The following PDE9A variants were observed in gnomAD, a reference collection of about 807,000 sequenced individuals.
The protein encoded by PDE9A is phosphodiesterase 9A, also known as high affinity cGMP-specific 3',5'-cyclic phosphodiesterase 9A.
A neutral mutation model predicts 87.4 loss-of-function variants in PDE9A; 60 were observed. The observed-to-expected ratio is 0.69, with a 90% CI of 0.56 to 0.85. The LOEUF is 0.85. Among genes scored for constraint, PDE9A ranks in the 40% least tolerant of loss-of-function variants. PDE9A has a pLI of 0.00. For synonymous variants in PDE9A, 272 were observed against 279.4 expected, an observed-to-expected ratio of 0.97 and a Z score of 0.27; for missense variants, 665 against 779.0, an observed-to-expected ratio of 0.85 and a Z score of 1.74.
At chr21:42,663,011 A>G (rs1228935782) in intron 1 of PDE9A, among the ~76,000 whole-genome samples, 2 of 148,290 alleles carry the variant, frequency 1.3e-5, no homozygotes, top group Non-Finnish European at 3.0e-5. Flanking sequence ...CACGCACACC[A>G]CACACACGCA....
intron 3 of PDE9A, chr21:42,690,093 G>C: frequency 1.0e-6 from 1 of 985,360 alleles, no homozygotes; most frequent in Non-Finnish European, 1.2e-6. Flanking sequence ...GATACAGGTG[G>C]AGAAGATGGA....
At position 42,739,514 on chromosome 21, in the gene PDE9A, T is replaced by C. The variant is rs1476392626; in HGVS notation, c.569-4262T>C. Among the ~76,000 whole-genome samples, 1 of 152,254 alleles carries C rather than the reference T, an allele frequency of 6.6e-6. No individual in the cohort carries two copies. The highest frequency in any genetic ancestry group is 1.5e-5 in the Non-Finnish European group (1 of 68,036). On this transcript the variant is annotated intron_variant, in intron 7 of 19. Transcript: ENST00000291539. The surrounding 1 kb of genome is among the most constrained non-coding windows in gnomAD (Gnocchi z 4.1). ...CCTCCCCGCCAGCCCCGTCATTTCA[T>C]GGCATCTTGCTTTCTCTTCATTGAG... is the stretch of plus-strand genomic sequence containing the variant.
At chr21:42,764,800 G>A (rs778135577) in intron 14 of PDE9A, among the ~76,000 whole-genome samples, 13 of 152,234 alleles carry the variant, frequency 8.5e-5, no homozygotes, top group Non-Finnish European at 1.5e-4. Flanking sequence ...ATGTTTACAG[G>A]AAAATTGAAT....
At chr21:42,697,344 T>C (rs1438203651) in intron 3 of PDE9A, 1 of 872,578 alleles carries the variant, frequency 1.1e-6, no homozygotes, top group Non-Finnish European at 1.9e-6. Context: ...CCACATGTAT[T>C]GCCCCCAGTT....
At chr21:42,748,245 A>G (rs1020190571) in intron 8 of PDE9A, among the ~76,000 whole-genome samples, 1 of 152,234 alleles carries the variant, frequency 6.6e-6, no homozygotes, top group Non-Finnish European at 1.5e-5. Context: ...AACGTTCGTT[A>G]CTTCTCAGAA....
chr21:42,745,866 C>T (rs543951345), intron 8 of PDE9A, among the ~76,000 whole-genome samples: 1 of 152,344 alleles, frequency 6.6e-6, no homozygotes, highest in East Asian at 1.9e-4. Flanking sequence ...TAGTCTTCAG[C>T]CTGAAACCAG....
chr21:42,769,504 TACACATGCACAC>T (rs1569279556), intron 17 of PDE9A, among the ~76,000 whole-genome samples: 1 of 18,628 alleles, frequency 5.4e-5, no homozygotes, highest in East Asian at 1.5e-3. Flanking sequence ...GGCACGCAGG[TACACATGCACAC>T]AAGGCACACA....
intron 1 of PDE9A, among the ~76,000 whole-genome samples, chr21:42,657,599 G>A (rs994145748): frequency 2.0e-5 from 3 of 152,216 alleles, no homozygotes; most frequent in East Asian, 1.9e-4. Context: ...TGACAGGGAC[G>A]ACGCACTCAG....
At chr21:42,753,925 C>A in intron 9 of PDE9A, 65 bp from the exon 10 acceptor site, 1 of 772,002 alleles carries the variant, frequency 1.3e-6, no homozygotes, top group East Asian at 2.6e-5. Flanking sequence ...AGAAATATCT[C>A]AGCATGCACA....
At chr21:42,765,865 C>A (rs182845245) in intron 15 of PDE9A, among the ~76,000 whole-genome samples, 6 of 152,370 alleles carry the variant, frequency 3.9e-5, no homozygotes, top group Admixed American at 1.3e-4. Flanking sequence ...GCAACTCCAA[C>A]ACAGCTCCCG....
At chr21:42,775,149 T>G (rs987218057) in intron 19 of PDE9A, 131 bp from the exon 20 acceptor site, 11 of 746,568 alleles carry the variant, frequency 1.5e-5, no homozygotes, top group Non-Finnish European at 2.0e-5. Context: ...ACCATGTTGG[T>G]CAGCCTGGTC....
At chr21:42,714,015 A>ATTT (rs1387946440) in intron 4 of PDE9A, among the ~76,000 whole-genome samples, 5 of 74,504 alleles carry the variant, frequency 6.7e-5, no homozygotes, top group Non-Finnish European at 1.0e-4. Context: ...TTTTCATTCC[A>ATTT]ATTTTTTTTT....
rs560780197 is a variant in PDE9A at position 42,695,214 on chromosome 21, G to T, written c.219-3754G>T. Reference sequence around the variant, plus strand: ...ATAATTGATGACTAAACAACCTAACGACCAACAAATATAAAAAGTCATAGC... The same window carrying T: ...ATAATTGATGACTAAACAACCTAACTACCAACAAATATAAAAAGTCATAGC... On this transcript the variant is annotated intron_variant, in intron 3 of 19. Coordinates refer to ENST00000291539, the MANE Select transcript of PDE9A (RefSeq NM_002606.3). The surrounding 1 kb of genome is among the most constrained non-coding windows in gnomAD (Gnocchi z 4.3). Among the ~76,000 whole-genome samples the T allele has an allele frequency of 2.0e-5, 3 of 152,258 alleles. No individual in the cohort carries two copies. The East Asian group carries it at 5.8e-4, about 29-fold the overall frequency.
chr21:42,735,444 A>T (rs2052301048), intron 7 of PDE9A, among the ~76,000 whole-genome samples: 1 of 151,880 alleles, frequency 6.6e-6, no homozygotes, highest in Non-Finnish European at 1.5e-5. Context: ...TCAAAAACTG[A>T]CTCTTTCACA....
chr21:42,653,906 AC>A (rs768307117), intron 1 of PDE9A, 23 bp downstream of exon 1: 5 of 1,359,124 alleles, frequency 3.7e-6, no homozygotes, highest in Middle Eastern at 2.2e-4. Context: ...CCACCCAGAC[AC>A]CCCCTCCTCC....
Position 42,653,736 on chromosome 21 carries a change from G to GCCCCCCCCCCCCCCCC in PDE9A, c.-78_-77insCCCCCCCCCCCCCCCC. On this transcript the variant is annotated 5_prime_UTR_variant, in exon 1 of 20. Coordinates refer to ENST00000291539, the MANE Select transcript of PDE9A (RefSeq NM_002606.3). ...CCGCCCCCCGCCCGCCCCCTCCCCT[G>GCCCCCCCCCCCCCCCC]CTCCCCTCCCCCGCCTCCCGCGGCG... 8.1e-6 allele frequency: 3 copies of GCCCCCCCCCCCCCCCC among 369,122 alleles called. No individual in the cohort carries two copies. Among genetic ancestry groups the GCCCCCCCCCCCCCCCC allele is most frequent in the East Asian group, 3.6e-4 (2 of 5,580 alleles). 22.9% of individuals were successfully genotyped at this position (369,122 alleles called of 1,614,324 possible).
At chr21:42,769,624 G>GCA (rs1342037951) in intron 17 of PDE9A, among the ~76,000 whole-genome samples, 1 of 120,782 alleles carries the variant, frequency 8.3e-6, no homozygotes, top group Non-Finnish European at 1.7e-5. Context: ...AGGTACACAT[G>GCA]CACACACAGG....
At chr21:42,666,524 A>G (rs2058004479) in intron 1 of PDE9A, among the ~76,000 whole-genome samples, 1 of 152,170 alleles carries the variant, frequency 6.6e-6, no homozygotes, top group African/African-American at 2.4e-5. Flanking sequence ...GGCGTCACAA[A>G]GGACCACAGG....
chr21:42,721,489 G>T (rs1386946462), intron 4 of PDE9A, among the ~76,000 whole-genome samples: 1 of 152,180 alleles, frequency 6.6e-6, no homozygotes, highest in Admixed American at 6.5e-5. Context: ...CAGAGGAAGG[G>T]CTCCTGTGCC....
Sources: gnomAD v4.1 joint callset for allele counts (sites outside exome capture counted in the v4.1 genomes callset) on GRCh38, gnomAD v4.1.1 for gene constraint, Gnocchi (gnomAD v3.1) non-coding constraint, MANE v1.5 for transcripts, NCBI Gene and HGNC (gene_info 2026-07-23, HGNC 2026-07-21) for gene names.